STPG2: variants seen among roughly 807,000 people sequenced by gnomAD.
The protein encoded by STPG2 is sperm tail PG-rich repeat containing 2.
STPG2 carries 56 observed loss-of-function variants against 54.2 expected under a neutral mutation model. That is an observed-to-expected ratio of 1.03 (90% CI 0.83 to 1.29). The LOEUF (loss-of-function observed/expected upper bound fraction) is 1.29, where lower values mean the gene tolerates loss of function less well. Ranked by LOEUF, STPG2 falls within the 50% of genes most tolerant of loss-of-function variation. STPG2 has a pLI of 0.00. For missense variants in STPG2, 596 were observed against 544.9 expected, an observed-to-expected ratio of 1.09 and a Z score of -0.93; for synonymous variants, 200 against 181.8, an observed-to-expected ratio of 1.10 and a Z score of -0.81.
chr4:98,067,491 G>C (rs1241602750), intron 5 of STPG2, among the ~76,000 whole-genome samples: 1 of 152,142 alleles, frequency 6.6e-6, no homozygotes, highest in Admixed American at 6.6e-5. Flanking sequence ...CCAGAAGCCA[G>C]AGAGCCTGTG....
At chr4:97,748,632 T>C (rs1725491774) in intron 9 of STPG2, among the ~76,000 whole-genome samples, 1 of 151,602 alleles carries the variant, frequency 6.6e-6, no homozygotes, top group Admixed American at 6.6e-5. Flanking sequence ...ATATGGTCTC[T>C]GTTGCAAGTA....
chr4:97,513,208 G>A (rs1409771407), intron 4 of STPG2, among the ~76,000 whole-genome samples: 1 of 152,074 alleles, frequency 6.6e-6, no homozygotes, highest in Admixed American at 6.6e-5. Flanking sequence ...ACTGCACAGG[G>A]CAAGGTAAAG....
chr4:98,112,486 T>C (rs145364291), intron 3 of STPG2, among the ~76,000 whole-genome samples: 4 of 152,230 alleles, frequency 2.6e-5, no homozygotes, highest in East Asian at 1.9e-4. Flanking sequence ...ATCCCTATCA[T>C]TGATTGACAC....
At chr4:98,083,158 T>C (rs1221549623) in intron 5 of STPG2, among the ~76,000 whole-genome samples, 4 of 152,136 alleles carry the variant, frequency 2.6e-5, no homozygotes, top group Non-Finnish European at 5.9e-5. Flanking sequence ...CCACTTCCAC[T>C]AGCCTTCTCT....
At chr4:97,811,587 T>A (rs1727743913) in intron 9 of STPG2, among the ~76,000 whole-genome samples, 1 of 152,142 alleles carries the variant, frequency 6.6e-6, no homozygotes, top group African/African-American at 2.4e-5. Context: ...TTTAACTGAT[T>A]TTGTTAAACC....
chr4:98,056,586 A>G (rs767273638), intron 5 of STPG2, among the ~76,000 whole-genome samples: 58 of 152,164 alleles, frequency 3.8e-4, no homozygotes, highest in Non-Finnish European at 7.8e-4. Flanking sequence ...ATGAAGCCAT[A>G]TCTACCTTAT....
intron 10 of STPG2, among the ~76,000 whole-genome samples, chr4:97,637,855 A>C (rs1417640212): frequency 2.0e-5 from 3 of 152,228 alleles, no homozygotes; most frequent in Non-Finnish European, 4.4e-5. Flanking sequence ...GATACAAACA[A>C]ATGGAAGAAT....
chr4:98,038,419 T>TA (rs549520500), intron 5 of STPG2, among the ~76,000 whole-genome samples: 285 of 152,194 alleles, frequency 1.9e-3, no homozygotes, highest in African/African-American at 6.8e-3. Flanking sequence ...AATTTTTTTT[T>TA]ATTTTATTTC....
At chr4:98,044,252 C>G (rs577294976) in intron 5 of STPG2, among the ~76,000 whole-genome samples, 134 of 152,064 alleles carry the variant, frequency 8.8e-4, no homozygotes, top group Non-Finnish European at 1.6e-3. Flanking sequence ...TTCTTTTGAT[C>G]TATGTATTTA....
intron 4 of STPG2, among the ~76,000 whole-genome samples, chr4:97,545,377 C>T (rs1036784321): frequency 2.0e-5 from 3 of 152,090 alleles, no homozygotes; most frequent in Admixed American, 6.6e-5. Context: ...CTTCTTCACA[C>T]AGAGTCCCAG....
At chr4:97,869,058 G>A (rs1257983076) in intron 8 of STPG2, among the ~76,000 whole-genome samples, 1 of 151,774 alleles carries the variant, frequency 6.6e-6, no homozygotes, top group Non-Finnish European at 1.5e-5. Context: ...GTCAACAGAT[G>A]TTAGGACCAG....
intron 9 of STPG2, among the ~76,000 whole-genome samples, chr4:97,752,517 C>A (rs1198029440): frequency 6.6e-6 from 1 of 151,692 alleles, no homozygotes; most frequent in Non-Finnish European, 1.5e-5. Flanking sequence ...AAATATTGAA[C>A]GTATCATATC....
Position 97,878,590 on chromosome 4 carries a change from C to T in STPG2, c.1045-37658G>A, listed in dbSNP as rs187550040. Among the ~76,000 whole-genome samples, 642 of 152,244 alleles carry T rather than the reference C, an allele frequency of 4.2e-3. 3 individuals carry two copies. Among genetic ancestry groups the T allele is most frequent in the South Asian group, 0.024 (116 of 4,824 alleles). ...TGCTCCATTTTAGCCATGGCTACAG[C>T]AGCTGGGACACAGGGCACCAAGTCC... On this transcript the variant is annotated intron_variant, in intron 8 of 10. Coordinates refer to ENST00000295268, the MANE Select transcript of STPG2 (RefSeq NM_174952.3).
At chr4:97,919,902 C>T (rs1182002997) in intron 8 of STPG2, among the ~76,000 whole-genome samples, 2 of 152,054 alleles carry the variant, frequency 1.3e-5, no homozygotes, top group African/African-American at 4.8e-5. Context: ...TTACTTTTGC[C>T]AACACTGCCC....
intron 9 of STPG2, among the ~76,000 whole-genome samples, chr4:97,780,929 G>T (rs1290480572): frequency 1.3e-5 from 2 of 152,072 alleles, no homozygotes; most frequent in Non-Finnish European, 2.9e-5. Context: ...CACATTTAAA[G>T]CAGTGGGTAG....
intron 5 of STPG2, among the ~76,000 whole-genome samples, chr4:98,004,903 T>C (rs1342707252): frequency 6.6e-6 from 1 of 152,034 alleles, no homozygotes; most frequent in African/African-American, 2.4e-5. Flanking sequence ...ATCAGATGTA[T>C]GGTTTAAAAA....
chr4:97,619,792 G>A (rs1318689748), intron 10 of STPG2, among the ~76,000 whole-genome samples: 1 of 150,154 alleles, frequency 6.7e-6, no homozygotes, highest in African/African-American at 2.4e-5. Context: ...TCACATCAGA[G>A]TCTTCATCAC....
At chr4:97,637,702 A>G (rs147482723) in intron 10 of STPG2, among the ~76,000 whole-genome samples, 1 of 151,996 alleles carries the variant, frequency 6.6e-6, no homozygotes, top group African/African-American at 2.4e-5. Context: ...ACCAACAACA[A>G]ACAAACAGAG....
At chr4:97,933,195 G>A (rs1328176775) in intron 8 of STPG2, among the ~76,000 whole-genome samples, 8 of 151,872 alleles carry the variant, frequency 5.3e-5, no homozygotes, top group Non-Finnish European at 1.0e-4. Flanking sequence ...CATGTCCTTT[G>A]CCCACTTTTT....
Sources: allele counts gnomAD v4.1 joint callset (sites outside exome capture counted in the v4.1 genomes callset), GRCh38; gene constraint gnomAD v4.1.1; transcripts MANE v1.5; gene names NCBI Gene and HGNC (gene_info 2026-07-23, HGNC 2026-07-21).